Variants in MED27 observed in about 807,000 individuals in gnomAD.
The protein encoded by MED27 is mediator complex subunit 27, also known as mediator of RNA polymerase II transcription subunit 27.
In MED27, 30 loss-of-function variants were observed where a neutral mutation model predicts 38.2. That is an observed-to-expected ratio of 0.79 (90% CI 0.59 to 1.07). The LOEUF (loss-of-function observed/expected upper bound fraction) is 1.07, where lower values mean the gene tolerates loss of function less well. Ranked by LOEUF, MED27 falls within the 50% of genes least tolerant of loss-of-function variation. The pLI, the probability that MED27 is intolerant of heterozygous loss-of-function variation, is 0.00. For missense variants in MED27, 289 were observed against 397.5 expected (o/e 0.73, Z 2.32); for synonymous variants, 122 against 153.5 (o/e 0.79, Z 1.52).
chr9:131,948,906 AC>A (rs1333744388), intron 3 of MED27, among the ~76,000 whole-genome samples: 1 of 152,170 alleles, frequency 6.6e-6, no homozygotes, highest in African/African-American at 2.4e-5. Flanking sequence ...TAGGAGAATC[AC>A]CCAGGCAAGC....
At chr9:131,985,479 TA>T (rs908272045) in intron 3 of MED27, among the ~76,000 whole-genome samples, 2 of 152,340 alleles carry the variant, frequency 1.3e-5, no homozygotes, top group Non-Finnish European at 2.9e-5. Context: ...CATAAGATTA[TA>T]ATGAAGCTGG....
At position 131,982,225 on chromosome 9, in the gene MED27, C is replaced by T. The variant is rs916912274; in HGVS notation, c.479+32112G>A. ...GTTCCAGGCCTAAGCCCCAAGAATG[C>T]TTGGCAGCTTTTGCTTTCGCACTCT... is the stretch of plus-strand genomic sequence containing the variant. On this transcript the variant is annotated intron_variant, in intron 3 of 7. Coordinates refer to ENST00000292035, the MANE Select transcript of MED27 (RefSeq NM_004269.4). This position sits in a 1 kb window ranked among gnomAD's most constrained non-coding sequence, Gnocchi z 4.3. Among the ~76,000 whole-genome samples, 7 of 152,328 alleles carry T rather than the reference C, an allele frequency of 4.6e-5. No homozygotes were observed. The highest frequency in any genetic ancestry group is 1.7e-4 in the African/African-American group (7 of 41,588).
At chr9:131,897,221 C>A (rs911070903) in intron 4 of MED27, among the ~76,000 whole-genome samples, 1 of 152,192 alleles carries the variant, frequency 6.6e-6, no homozygotes, top group African/African-American at 2.4e-5. Context: ...ATAAATATGG[C>A]CACAGTGTAT....
At chr9:132,069,273 C>T (rs1262731828) in intron 2 of MED27, among the ~76,000 whole-genome samples, 5 of 151,660 alleles carry the variant, frequency 3.3e-5, no homozygotes, top group East Asian at 3.9e-4. Context: ...TCCCTGGGGC[C>T]GGCCAGTGAG....
At chr9:131,882,668 T>C (rs1286442688) in intron 6 of MED27, among the ~76,000 whole-genome samples, 3 of 152,186 alleles carry the variant, frequency 2.0e-5, no homozygotes, top group Non-Finnish European at 4.4e-5. Flanking sequence ...CCCTGCCTTC[T>C]ACCTCCACTT....
In MED27 at chr9:131,883,056, C is replaced by T. The variant is rs1020326241; in HGVS notation, c.723+1002G>A. ...CTGAGTAGCTAGGATTATAGGCGCC[C>T]GCCACCATGCCCGGCTAATTTTATA... is the stretch of plus-strand genomic sequence containing the variant. On this transcript the variant is annotated intron_variant, in intron 6 of 7. Coordinates refer to ENST00000292035, the MANE Select transcript of MED27 (RefSeq NM_004269.4). This position sits in a 1 kb window ranked among gnomAD's most constrained non-coding sequence, Gnocchi z 4.2. Among the ~76,000 whole-genome samples the T allele has an allele frequency of 6.6e-5, 10 of 152,224 alleles. No individual in the cohort carries two copies. The highest frequency in any genetic ancestry group is 1.9e-4 in the African/African-American group (8 of 41,534).
chr9:131,973,245 T>C (rs537117774), intron 3 of MED27, among the ~76,000 whole-genome samples: 3 of 152,292 alleles, frequency 2.0e-5, no homozygotes, highest in South Asian at 4.1e-4. Flanking sequence ...CCTGTGACAA[T>C]TATCCCCTTT....
chr9:131,877,468 C>T (rs1371717268), intron 6 of MED27, among the ~76,000 whole-genome samples: 1 of 152,028 alleles, frequency 6.6e-6, no homozygotes, highest in Admixed American at 6.6e-5. Context: ...CTCAGCTACT[C>T]GAGAGGCTGA....
At chr9:132,073,627 C>A in intron 2 of MED27, 2 of 1,446,904 alleles carry the variant, frequency 1.4e-6, no homozygotes, top group South Asian at 1.4e-5. Flanking sequence ...GTGAACTTTG[C>A]AGTAACTTAG....
intron 2 of MED27, among the ~76,000 whole-genome samples, chr9:132,070,538 C>T (rs918069538): frequency 3.3e-5 from 5 of 152,170 alleles, no homozygotes; most frequent in Admixed American, 1.3e-4. Flanking sequence ...GCCTGGGCAA[C>T]ACAGCAAGAC....
intron 4 of MED27, among the ~76,000 whole-genome samples, chr9:131,916,109 AT>A (rs1474598300): frequency 2.0e-5 from 3 of 152,244 alleles, no homozygotes; most frequent in African/African-American, 7.2e-5. Flanking sequence ...TGTGCATGTC[AT>A]TTTTATTAAA....
intron 2 of MED27, among the ~76,000 whole-genome samples, chr9:132,065,425 G>A (rs558811880): frequency 2.2e-4 from 34 of 152,300 alleles, no homozygotes; most frequent in Admixed American, 1.6e-3. Flanking sequence ...GACCAAGTAC[G>A]ATTCCTGTTT....
chr9:131,960,699 C>T (rs1231689333), intron 3 of MED27, among the ~76,000 whole-genome samples: 1 of 152,066 alleles, frequency 6.6e-6, no homozygotes, highest in Admixed American at 6.5e-5. Context: ...CAAATTGGAG[C>T]GTATGTACAG....
intron 2 of MED27, among the ~76,000 whole-genome samples, chr9:132,031,691 T>C (rs959309290): frequency 8.6e-5 from 13 of 151,944 alleles, no homozygotes; most frequent in African/African-American, 3.1e-4. Context: ...CATAGCAGAG[T>C]TGGGCAAGAC....
intron 3 of MED27, among the ~76,000 whole-genome samples, chr9:131,954,870 G>A (rs1292389007): frequency 6.6e-6 from 1 of 152,130 alleles, no homozygotes. Flanking sequence ...TCCTAAATGT[G>A]TATGCTCCTA....
chr9:131,881,241 G>T (rs1839032412), intron 6 of MED27, among the ~76,000 whole-genome samples: 1 of 152,216 alleles, frequency 6.6e-6, no homozygotes, highest in South Asian at 2.1e-4. Flanking sequence ...AGGACAGTCA[G>T]CACGGAAAAC....
intron 2 of MED27, among the ~76,000 whole-genome samples, chr9:132,058,893 G>T (rs1317439480): frequency 2.0e-5 from 3 of 152,194 alleles, no homozygotes; most frequent in Admixed American, 2.0e-4. Flanking sequence ...CTGTGGCAGT[G>T]CTTTATCTTT....
Position 132,077,575 on chromosome 9 carries a change from C to A in MED27, c.215G>T (p.Arg72Leu), listed in dbSNP as rs776107467. The change falls in exon 2 of 8, where the codon CGT becomes CTT. Residue 72 changes from arginine to leucine, a missense_variant. Transcript: ENST00000292035. Reference sequence around the variant, plus strand: ...TGGCTTGCCTACCAGATTGCTCAGACGTTCCAGCTCACTGAAAAGCAAAGA... The same window carrying A: ...TGGCTTGCCTACCAGATTGCTCAGAAGTTCCAGCTCACTGAAAAGCAAAGA... ...SVNRDLNELE[R>L]LSNLVGKPSE... 6.2e-7 allele frequency: 1 copy of A among 1,614,086 alleles called. No individual in the cohort carries two copies. The highest frequency in any genetic ancestry group is 8.5e-7 in the Non-Finnish European group (1 of 1,179,994).
At chr9:132,041,276 G>A (rs542678219) in intron 2 of MED27, among the ~76,000 whole-genome samples, 1 of 152,312 alleles carries the variant, frequency 6.6e-6, no homozygotes, top group South Asian at 2.1e-4. Flanking sequence ...CAGTCATGCT[G>A]AGAGCCCAGA....
Sources: allele counts gnomAD v4.1 joint callset (sites outside exome capture counted in the v4.1 genomes callset), GRCh38; gene constraint gnomAD v4.1.1; non-coding constraint Gnocchi (gnomAD v3.1); transcripts MANE v1.5; gene names NCBI Gene and HGNC (gene_info 2026-07-23, HGNC 2026-07-21).